Variants in GRIK1 observed in about 807,000 individuals in gnomAD.
GRIK1 encodes the protein glutamate receptor ionotropic, kainate 1.
A neutral mutation model predicts 105.7 loss-of-function variants in GRIK1; 69 were observed. That is an observed-to-expected ratio of 0.65 (90% CI 0.54 to 0.80). GRIK1 has a LOEUF of 0.80. Among genes scored for constraint, GRIK1 ranks in the 30% least tolerant of loss-of-function variants. GRIK1 has a pLI of 0.00. For missense variants in GRIK1, 1,109 were observed against 1,167.3 expected, an observed-to-expected ratio of 0.95 and a Z score of 0.73; for synonymous variants, 438 against 431.3, an observed-to-expected ratio of 1.02 and a Z score of -0.19.
At chr21:29,552,525 T>A (rs1361786132) in intron 16 of GRIK1, among the ~76,000 whole-genome samples, 1 of 152,068 alleles carries the variant, frequency 6.6e-6, no homozygotes, top group African/African-American at 2.4e-5. Flanking sequence ...TTCCCCAGAA[T>A]ACTTTAAATG....
intron 7 of GRIK1, among the ~76,000 whole-genome samples, chr21:29,627,145 AACT>A (rs2062150430): frequency 6.6e-6 from 1 of 152,196 alleles, no homozygotes; most frequent in Admixed American, 6.5e-5. Flanking sequence ...CTATTATCTT[AACT>A]ATTTGTATTG....
chr21:29,937,408 G>T (rs1291239755), intron 1 of GRIK1, among the ~76,000 whole-genome samples: 3 of 152,006 alleles, frequency 2.0e-5, no homozygotes, highest in Admixed American at 6.5e-5. Context: ...CTCCCATTTA[G>T]AAAAAAGAAA....
rs138056055 is a variant in GRIK1, at chr21:29,701,518, G to A, written c.119-7455C>T. Among the ~76,000 whole-genome samples, 513 of 152,290 alleles carry A rather than the reference G, an allele frequency of 3.4e-3. 4 individuals are homozygous for A. The highest frequency in any genetic ancestry group is 0.012 in the African/African-American group (496 of 41,564). ...AGCTCAGAGAAGTGATGGGTGGATTGGAGCAGATCACAGAGGGCCTTAAGG... is the reference window on the plus strand; with the variant it reads ...AGCTCAGAGAAGTGATGGGTGGATTAGAGCAGATCACAGAGGGCCTTAAGG... On this transcript the variant is annotated intron_variant, in intron 1 of 17. Transcript: ENST00000327783.
intron 1 of GRIK1, among the ~76,000 whole-genome samples, chr21:29,753,137 T>C (rs1005181191): frequency 9.8e-5 from 15 of 152,346 alleles, no homozygotes; most frequent in Admixed American, 7.8e-4. Flanking sequence ...ACTTCATCCA[T>C]GTTTAGTGGA....
At chr21:29,899,146 T>C (rs2070292380) in intron 1 of GRIK1, among the ~76,000 whole-genome samples, 1 of 152,230 alleles carries the variant, frequency 6.6e-6, no homozygotes, top group African/African-American at 2.4e-5. Flanking sequence ...GCTAAATATA[T>C]ACAATATTGC....
At chr21:29,805,150 C>G (rs903006491) in intron 1 of GRIK1, among the ~76,000 whole-genome samples, 2 of 152,128 alleles carry the variant, frequency 1.3e-5, no homozygotes, top group African/African-American at 4.8e-5. Context: ...CCCTCCACCC[C>G]CTGCAGCCAC....
At chr21:29,779,995 ACTT>A (rs1178855980) in intron 1 of GRIK1, among the ~76,000 whole-genome samples, 1 of 152,186 alleles carries the variant, frequency 6.6e-6, no homozygotes, top group Non-Finnish European at 1.5e-5. Flanking sequence ...CAGGTTGGGC[ACTT>A]CTTTATTAGC....
chr21:29,883,057 C>T (rs1224776597), intron 1 of GRIK1, among the ~76,000 whole-genome samples: 1 of 152,036 alleles, frequency 6.6e-6, no homozygotes, highest in African/African-American at 2.4e-5. Context: ...GGAATCGTGG[C>T]TTGTCTGTTG....
At chr21:29,542,574 A>AT (rs2089989234) in intron 16 of GRIK1, among the ~76,000 whole-genome samples, 1 of 152,234 alleles carries the variant, frequency 6.6e-6, no homozygotes, top group African/African-American at 2.4e-5. Flanking sequence ...AGTTTGCAGT[A>AT]TTCAAAAAAC....
chr21:29,753,082 G>A (rs900380850), intron 1 of GRIK1, among the ~76,000 whole-genome samples: 12 of 152,172 alleles, frequency 7.9e-5, no homozygotes, highest in African/African-American at 2.9e-4. Flanking sequence ...TTTCTGGTGA[G>A]TGCATGCATG....
chr21:29,777,970 G>A (rs993808637), intron 1 of GRIK1, among the ~76,000 whole-genome samples: 1 of 152,168 alleles, frequency 6.6e-6, no homozygotes, highest in Admixed American at 6.5e-5. Context: ...TTGGGTCAGT[G>A]ATATGCAGGC....
At chr21:29,778,247 A>G (rs1159084082) in intron 1 of GRIK1, among the ~76,000 whole-genome samples, 1 of 152,226 alleles carries the variant, frequency 6.6e-6, no homozygotes, top group Non-Finnish European at 1.5e-5. Flanking sequence ...TAATGTCTGT[A>G]AGATGAGAGA....
chr21:29,731,897 AT>A (rs141994512), intron 1 of GRIK1, among the ~76,000 whole-genome samples: 6,533 of 152,224 alleles, frequency 0.043, 199 homozygotes, highest in Non-Finnish European at 0.066. Flanking sequence ...TCCATCATAA[AT>A]TTGATGTTTG....
rs199896632 is a variant in GRIK1 at position 29,553,584 on chromosome 21, G to A, written c.2607+1468C>T. The A allele has an allele frequency of 1.7e-5, 27 of 1,592,746 alleles. No homozygotes were observed. The East Asian group carries it at 2.0e-4, about 12-fold the overall frequency. On this transcript the variant is annotated intron_variant, in intron 16 of 17. Coordinates refer to ENST00000327783, the MANE Select transcript of GRIK1 (RefSeq NM_001330994.2). ...ACAGTATGAACTGAGGACTGTTTTC[G>A]AATCCCTCTCTCCTCTCGAATTAAT...
At chr21:29,900,077 C>CT (rs2070334650) in intron 1 of GRIK1, among the ~76,000 whole-genome samples, 2 of 91,582 alleles carry the variant, frequency 2.2e-5, no homozygotes. Flanking sequence ...TTATGAGACT[C>CT]TGTCTCAAAA....
At chr21:29,930,816 A>T (rs1177241239) in intron 1 of GRIK1, among the ~76,000 whole-genome samples, 1 of 152,192 alleles carries the variant, frequency 6.6e-6, no homozygotes, top group African/African-American at 2.4e-5. Context: ...TTTCAACATT[A>T]AATATTGTTG....
chr21:29,848,768 TATATA>T (rs2068209202), intron 1 of GRIK1, among the ~76,000 whole-genome samples: 1 of 97,194 alleles, frequency 1.0e-5, no homozygotes, highest in African/African-American at 5.5e-5. Flanking sequence ...TATATATATA[TATATA>T]TATATATTTT....
chr21:29,597,836 G>T (rs895000615), intron 8 of GRIK1: 2 of 176,630 alleles, frequency 1.1e-5, no homozygotes, highest in East Asian at 1.7e-4. Flanking sequence ...GAGGGGGAGG[G>T]GTAGTTAGCA....
chr21:29,894,798 C>T (rs1199785986), intron 1 of GRIK1, among the ~76,000 whole-genome samples: 5 of 152,056 alleles, frequency 3.3e-5, no homozygotes, highest in Non-Finnish European at 7.4e-5. Flanking sequence ...TGATGAGTGC[C>T]CCCTGGATCC....
Sources: allele counts gnomAD v4.1 joint callset (sites outside exome capture counted in the v4.1 genomes callset), GRCh38; gene constraint gnomAD v4.1.1; transcripts MANE v1.5; gene names NCBI Gene and HGNC (gene_info 2026-07-23, HGNC 2026-07-21).